Variants in KLHL1 observed in about 807,000 individuals in gnomAD.
KLHL1 encodes kelch like family member 1.
KLHL1 carries 47 observed loss-of-function variants against 77.7 expected under a neutral mutation model. That is an observed-to-expected ratio of 0.60 (90% confidence interval 0.48 to 0.77). The LOEUF is 0.77. KLHL1 is among the 30% of genes least tolerant of loss of function. The pLI is 0.00. For missense variants in KLHL1, 925 were observed against 910.8 expected (o/e 1.02, Z -0.20); for synonymous variants, 360 against 325.2 (o/e 1.11, Z -1.15).
chr13:69,753,017 G>A (rs781619259), intron 7 of KLHL1, among the ~76,000 whole-genome samples: 5 of 152,094 alleles, frequency 3.3e-5, no homozygotes, highest in African/African-American at 1.2e-4. Context: ...TGGAGACTTT[G>A]CCTCTAGGAT....
At chr13:69,943,201 T>C (rs945597384) in intron 3 of KLHL1, among the ~76,000 whole-genome samples, 16 of 149,022 alleles carry the variant, frequency 1.1e-4, no homozygotes, top group Non-Finnish European at 1.9e-4. Flanking sequence ...GCTTTGAGTG[T>C]CATACAATGT....
intron 1 of KLHL1, among the ~76,000 whole-genome samples, chr13:70,032,434 A>T (rs2325271): frequency 0.58 from 88,726 of 151,942 alleles, 28,102 homozygotes; most frequent in East Asian, 0.81. Flanking sequence ...ACAATGACGG[A>T]GCAAATTGAA....
chr13:69,899,018 ATTT>A (rs4053609), intron 4 of KLHL1, among the ~76,000 whole-genome samples: 10,794 of 146,184 alleles, frequency 0.074, 561 homozygotes, highest in African/African-American at 0.14. Flanking sequence ...AAAATTACAC[ATTT>A]TTTTTTTTTT....
intron 4 of KLHL1, among the ~76,000 whole-genome samples, chr13:69,899,121 T>C (rs1049953406): frequency 6.6e-6 from 1 of 151,232 alleles, no homozygotes; most frequent in African/African-American, 2.4e-5. Flanking sequence ...GAAGAATATA[T>C]CCAGAAAAAA....
Position 70,107,457 on chromosome 13 carries a change from G to A in KLHL1, c.243C>T (p.Ser81=), listed in dbSNP as rs138243017. The A allele has an allele frequency of 3.1e-6, 5 of 1,613,954 alleles. No individual in the cohort carries two copies. Among genetic ancestry groups the A allele is most frequent in the African/African-American group, 2.7e-5 (2 of 74,912 alleles). ...KPSSSSSSSS[S]PSSSSSSFNP... ...TGAAGGAAGAGGAGGAAGAGGACGG[G>A]GAGGACGATGAAGAGGAAGAGGAGG... is the stretch of plus-strand genomic sequence containing the variant. The change falls in exon 1 of 11, where the codon TCC becomes TCT. Residue 81 remains serine (S), a synonymous_variant. Coordinates refer to ENST00000377844, the MANE Select transcript of KLHL1 (RefSeq NM_020866.3).
At chr13:69,923,886 C>T (rs1270610278) in intron 4 of KLHL1, among the ~76,000 whole-genome samples, 1 of 152,160 alleles carries the variant, frequency 6.6e-6, no homozygotes, top group Non-Finnish European at 1.5e-5. Flanking sequence ...CCAGGCATCT[C>T]TGCACTCTTG....
At chr13:69,857,417 C>T (rs530349303) in intron 5 of KLHL1, among the ~76,000 whole-genome samples, 2 of 152,120 alleles carry the variant, frequency 1.3e-5, no homozygotes, top group African/African-American at 4.8e-5. Flanking sequence ...GTCTCTGTCT[C>T]CCCCTAGTGG....
At chr13:69,758,948 CA>C (rs1245838040) in intron 7 of KLHL1, among the ~76,000 whole-genome samples, 1 of 152,034 alleles carries the variant, frequency 6.6e-6, no homozygotes, top group East Asian at 1.9e-4. Context: ...GAAACGATGA[CA>C]CAGGTACCCT....
intron 7 of KLHL1, among the ~76,000 whole-genome samples, chr13:69,768,813 C>CA (rs1875433544): frequency 6.6e-6 from 1 of 152,036 alleles, no homozygotes; most frequent in Non-Finnish European, 1.5e-5. Flanking sequence ...TCACTAAAAG[C>CA]AAAAATAATG....
chr13:69,876,972 G>A (rs992457177), intron 5 of KLHL1, among the ~76,000 whole-genome samples: 5 of 152,118 alleles, frequency 3.3e-5, no homozygotes, highest in African/African-American at 1.2e-4. Flanking sequence ...GCGAGGCAGA[G>A]GTTGCAGTGA....
At chr13:69,804,769 A>G (rs893231735) in intron 6 of KLHL1, among the ~76,000 whole-genome samples, 2 of 152,180 alleles carry the variant, frequency 1.3e-5, no homozygotes, top group African/African-American at 2.4e-5. Context: ...CCTAAAGGAC[A>G]GCTTGGCCTA....
chr13:69,834,070 T>C (rs529692556), intron 6 of KLHL1, among the ~76,000 whole-genome samples: 20 of 151,766 alleles, frequency 1.3e-4, no homozygotes, highest in African/African-American at 4.6e-4. Context: ...ACAATGGACT[T>C]TGGGGACTTG....
chr13:69,906,895 GT>G (rs1309713609), intron 4 of KLHL1, among the ~76,000 whole-genome samples: 1 of 151,868 alleles, frequency 6.6e-6, no homozygotes, highest in African/African-American at 2.4e-5. Context: ...AGCTTTCTCA[GT>G]TTTTAGGACT....
At chr13:69,895,155 G>C in intron 4 of KLHL1, 1 of 469,794 alleles carries the variant, frequency 2.1e-6, no homozygotes, top group Non-Finnish European at 4.2e-6. Context: ...TCCTCCATGA[G>C]AAGGTAGTCT....
chr13:70,055,291 A>T (rs1410549931), intron 1 of KLHL1, among the ~76,000 whole-genome samples: 1 of 152,146 alleles, frequency 6.6e-6, no homozygotes, highest in Admixed American at 6.5e-5. Flanking sequence ...GATGTGCTGA[A>T]GGAAAAAATA....
At chr13:69,863,893 T>C (rs1880268730) in intron 5 of KLHL1, among the ~76,000 whole-genome samples, 1 of 152,082 alleles carries the variant, frequency 6.6e-6, no homozygotes, top group Admixed American at 6.6e-5. Flanking sequence ...TTTCTTGAGC[T>C]ATGAACCTTG....
intron 1 of KLHL1, among the ~76,000 whole-genome samples, chr13:70,035,371 G>A (rs779704141): frequency 5.3e-5 from 8 of 151,974 alleles, no homozygotes; most frequent in Non-Finnish European, 1.5e-5. Context: ...GTTTGTGGGA[G>A]CTAAAAATAA....
chr13:69,963,389 G>C (rs1453772447), intron 2 of KLHL1, among the ~76,000 whole-genome samples: 1 of 152,042 alleles, frequency 6.6e-6, no homozygotes, highest in African/African-American at 2.4e-5. Context: ...TTTTTCACAT[G>C]TGTGTATGCA....
chr13:69,870,622 C>T (rs539928363), intron 5 of KLHL1, among the ~76,000 whole-genome samples: 33 of 151,872 alleles, frequency 2.2e-4, no homozygotes, highest in African/African-American at 7.7e-4. Flanking sequence ...AGCTGTGATC[C>T]TACAAAATAA....
Sources: gnomAD v4.1 joint callset for allele counts (sites outside exome capture counted in the v4.1 genomes callset) on GRCh38, gnomAD v4.1.1 for gene constraint, MANE v1.5 for transcripts, NCBI Gene and HGNC (gene_info 2026-07-23, HGNC 2026-07-21) for gene names.